Variants in SCN8A observed in about 807,000 individuals in gnomAD.
SCN8A encodes the protein sodium voltage-gated channel alpha subunit 8.
A neutral mutation model predicts 184.1 loss-of-function variants in SCN8A; 30 were observed. The ratio of observed to expected loss-of-function variants is 0.16; its 90% CI spans 0.12 to 0.22. The LOEUF is 0.22. SCN8A is among the 10% of genes least tolerant of loss of function. The pLI is 1.00. For missense variants in SCN8A, 1,057 were observed against 2,498.9 expected (o/e 0.42, Z 12.30); for synonymous variants, 852 against 907.0 (o/e 0.94, Z 1.09).
chr12:51,658,694 A>G (rs1407710954), intron 1 of SCN8A, among the ~76,000 whole-genome samples: 1 of 152,188 alleles, frequency 6.6e-6, no homozygotes, highest in Admixed American at 6.5e-5. Flanking sequence ...GGGAATGGAG[A>G]GAAACTGCTT....
At position 51,693,095 on chromosome 12, in the gene SCN8A, C is replaced by G. The variant is rs373824599; in HGVS notation, c.706+3999C>G. On this transcript the variant is annotated intron_variant, in intron 6 of 26. Transcript: ENST00000627620. ...ACAGGAAGCAGGGAAAATGATAGGC[C>G]TTTCTTTTTCCCATCCCAGTATTCA... Among the ~76,000 whole-genome samples the G allele has an allele frequency of 9.9e-5, 15 of 152,284 alleles. No individual in the cohort carries two copies. In the South Asian group the frequency reaches 1.7e-3, roughly 17 times the overall value.
At chr12:51,704,868 G>A (rs192022064) in intron 9 of SCN8A, among the ~76,000 whole-genome samples, 63 of 151,952 alleles carry the variant, frequency 4.1e-4, no homozygotes, top group African/African-American at 1.4e-3. Context: ...CCAGCTACTC[G>A]GGAGGCTGAG....
chr12:51,634,414 T>C (rs890769592), intron 1 of SCN8A, among the ~76,000 whole-genome samples: 1 of 152,174 alleles, frequency 6.6e-6, no homozygotes, highest in Non-Finnish European at 1.5e-5. Context: ...TCCATTGCTA[T>C]CTGTGTTTTT....
chr12:51,792,943 A>G (rs1938307318), intron 25 of SCN8A, among the ~76,000 whole-genome samples: 1 of 152,086 alleles, frequency 6.6e-6, no homozygotes, highest in Non-Finnish European at 1.5e-5. Flanking sequence ...AGGTTTCACC[A>G]TGTTGACCAG....
chr12:51,647,567 G>T (rs1010398352), intron 1 of SCN8A, among the ~76,000 whole-genome samples: 1 of 152,222 alleles, frequency 6.6e-6, no homozygotes, highest in Non-Finnish European at 1.5e-5. Flanking sequence ...CGAGGTCCCT[G>T]AGACCTGGTA....
At chr12:51,650,883 A>G (rs1565873970) in intron 1 of SCN8A, among the ~76,000 whole-genome samples, 2 of 152,248 alleles carry the variant, frequency 1.3e-5, no homozygotes. Context: ...TGAGAGCCCC[A>G]AACAGAGATT....
chr12:51,702,770 T>C lies in SCN8A; in HGVS notation c.993-3T>C. On this transcript the variant is annotated splice_polypyrimidine_tract_variant and splice_region_variant and intron_variant, in intron 8 of 26. Coordinates refer to ENST00000627620, the MANE Select transcript of SCN8A (RefSeq NM_001330260.2). ...AGTCCTGAACTTCCCTTTCTTTCTT[T>C]AGGCAATGCCCAGAGGGATACCAGT... is the stretch of plus-strand genomic sequence containing the variant. 6.3e-7 allele frequency: 1 copy of C among 1,577,064 alleles called. No individual in the cohort carries two copies. The highest frequency in any genetic ancestry group is 8.6e-7 in the Non-Finnish European group (1 of 1,160,206).
At chr12:51,660,876 G>T (rs1020140346) in intron 1 of SCN8A, among the ~76,000 whole-genome samples, 1 of 152,196 alleles carries the variant, frequency 6.6e-6, no homozygotes, top group Non-Finnish European at 1.5e-5. Flanking sequence ...TGGGAAGACT[G>T]TGGAGGAGTA....
intron 6 of SCN8A, among the ~76,000 whole-genome samples, chr12:51,690,710 G>C (rs1468668795): frequency 6.6e-6 from 1 of 152,138 alleles, no homozygotes; most frequent in African/African-American, 2.4e-5. Context: ...ATAGCAGATA[G>C]AGAGGGAAGC....
intron 2 of SCN8A, among the ~76,000 whole-genome samples, chr12:51,678,380 A>G (rs1405167012): frequency 6.6e-6 from 1 of 152,220 alleles, no homozygotes; most frequent in Non-Finnish European, 1.5e-5. Context: ...TAACTAACTC[A>G]AGAGAGTTCT....
At chr12:51,657,940 TA>T (rs550509551) in intron 1 of SCN8A, among the ~76,000 whole-genome samples, 13 of 152,284 alleles carry the variant, frequency 8.5e-5, no homozygotes, top group African/African-American at 2.9e-4. Flanking sequence ...TATGTGGATT[TA>T]ATTCTGTGTT....
rs1064796374 is a variant in SCN8A, at chr12:51,769,168, G to A, written c.3205G>A (p.Gly1069Ser). ...GAAGAATGGCAATGGCACAACCAGCGGCATTGGCAGCAGCGTGGAGAAGTA... is the reference window on the plus strand; with the variant it reads ...GAAGAATGGCAATGGCACAACCAGCAGCATTGGCAGCAGCGTGGAGAAGTA... The part of the protein sequence containing the change: ...FQKNGNGTTS[G>S]IGSSVEKYII... The change falls in exon 17 of 27, where the codon GGC (glycine) becomes AGC (serine). Residue 1069 changes from glycine (G) to serine (S), a missense_variant. Around this residue, in one of 19 missense-constraint regions of SCN8A, gnomAD observed 178 missense variants for 259.6 expected, o/e 0.69. Transcript: ENST00000627620. 4 of 1,613,584 alleles carry A rather than the reference G, an allele frequency of 2.5e-6. No individual in the cohort carries two copies. Among genetic ancestry groups the A allele is most frequent in the Non-Finnish European group, 3.4e-6 (4 of 1,179,712 alleles).
intron 9 of SCN8A, among the ~76,000 whole-genome samples, chr12:51,703,518 T>C (rs1941727593): frequency 6.6e-6 from 1 of 152,222 alleles, no homozygotes; most frequent in Admixed American, 6.5e-5. Flanking sequence ...CCTTGGAGTA[T>C]ATCAACATTT....
intron 14 of SCN8A, among the ~76,000 whole-genome samples, chr12:51,760,100 G>T (rs929427564): frequency 8.5e-5 from 13 of 152,174 alleles, no homozygotes; most frequent in African/African-American, 3.1e-4. Context: ...TTGCATTGGG[G>T]ATTAAGTTTT....
intron 21 of SCN8A, among the ~76,000 whole-genome samples, chr12:51,784,092 T>G (rs888353132): frequency 1.3e-5 from 2 of 152,226 alleles, no homozygotes; most frequent in African/African-American, 2.4e-5. Flanking sequence ...ATTTATAATA[T>G]ATCTTTAGTG....
intron 7 of SCN8A, 64 bp from the exon 8 acceptor site, chr12:51,701,072 GAACAGTGT>G (rs762219533): frequency 3.0e-4 from 302 of 1,015,100 alleles, no homozygotes; most frequent in Non-Finnish European, 4.3e-4. Flanking sequence ...GGCTAGTTAG[GAACAGTGT>G]AACCTTATTC....
rs370134939 is a variant in SCN8A at position 51,770,714 on chromosome 12, T to C, written c.3645+31T>C. ...GTCCAGGGGAGAGTGTGAGGAGGGA[T>C]TGGCTGGGGAAGGGTGTAGAGAAGC... On this transcript the variant is annotated intron_variant, in intron 19 of 26. Transcript: ENST00000627620. 1.9e-6 allele frequency: 3 copies of C among 1,608,386 alleles called. No homozygotes were observed. The African/African-American group carries it at 4.0e-5, about 22-fold the overall frequency.
At chr12:51,748,087 G>A (rs1358316800) in intron 13 of SCN8A, among the ~76,000 whole-genome samples, 3 of 152,156 alleles carry the variant, frequency 2.0e-5, no homozygotes, top group African/African-American at 7.2e-5. Flanking sequence ...TATAAGCAAA[G>A]AGCAATGAAT....
chr12:51,673,530 G>A (rs914136740), intron 2 of SCN8A, among the ~76,000 whole-genome samples: 17 of 152,296 alleles, frequency 1.1e-4, no homozygotes, highest in Non-Finnish European at 2.1e-4. Flanking sequence ...GAGCTAAGGG[G>A]TAGAAAAGTG....
Sources: allele counts gnomAD v4.1 joint callset (sites outside exome capture counted in the v4.1 genomes callset), GRCh38; gene constraint gnomAD v4.1.1; regional missense constraint gnomAD v4.1.1; transcripts MANE v1.5; gene names NCBI Gene and HGNC (gene_info 2026-07-23, HGNC 2026-07-21).